Variants in C19orf44 observed in about 807,000 individuals in gnomAD.
C19orf44 encodes the protein uncharacterized protein C19orf44.
Under a neutral mutation model 50.7 loss-of-function variants are expected in C19orf44, and 43 were observed. That is an observed-to-expected ratio of 0.85 (90% confidence interval 0.66 to 1.09). C19orf44 has a LOEUF of 1.09. Among genes scored for constraint, C19orf44 ranks in the 50% least tolerant of loss-of-function variants. The pLI, the probability that C19orf44 is intolerant of heterozygous loss-of-function variation, is 0.00. For synonymous variants in C19orf44, 298 were observed against 334.7 expected (o/e 0.89, Z 1.20); for missense variants, 722 against 836.2 (o/e 0.86, Z 1.68).
intron 7 of C19orf44, 144 bp from the exon 8 acceptor site, chr19:16,517,084 TCA>T: frequency 2.8e-6 from 2 of 719,006 alleles, no homozygotes; most frequent in South Asian, 1.8e-5. Flanking sequence ...CGCCAACCTG[TCA>T]CACACATCCT....
rs1215869368 is a variant in C19orf44 at position 16,509,658 on chromosome 19, A to G, written c.1309A>G (p.Ser437Gly). The change falls in exon 5 of 9, where the codon AGT becomes GGT. Residue 437 changes from serine (S) to glycine (G), a missense_variant. Ser to Gly is a moderately conservative substitution (Grantham distance 56). Transcript: ENST00000221671. ...GDESEVSEHL[S>G]ASSASAIQQD... Reference sequence around the variant, plus strand: ...TGAGAGCGAGGTCTCGGAGCATCTCAGTGCCAGCTCGGCTTCTGCCATCCA... The same window carrying G: ...TGAGAGCGAGGTCTCGGAGCATCTCGGTGCCAGCTCGGCTTCTGCCATCCA... The G allele has an allele frequency of 6.2e-7, 1 of 1,614,270 alleles. No individual in the cohort carries two copies. Among genetic ancestry groups the G allele is most frequent in the Admixed American group, 1.7e-5 (1 of 60,020 alleles).
intron 4 of C19orf44, among the ~76,000 whole-genome samples, chr19:16,507,387 G>A (rs181372682): frequency 6.6e-6 from 1 of 151,978 alleles, no homozygotes; most frequent in Non-Finnish European, 1.5e-5. Context: ...GGTGGCCACC[G>A]GCACTGTCAG....
At chr19:16,511,564 A>G (rs1009637726) in intron 5 of C19orf44, among the ~76,000 whole-genome samples, 3 of 151,494 alleles carry the variant, frequency 2.0e-5, no homozygotes, top group African/African-American at 7.3e-5. Context: ...AAACATTCCC[A>G]TGTTATTATT....
chr19:16,502,986 C>CAA (rs61130725), intron 2 of C19orf44, 79 bp from the exon 3 acceptor site: 779 of 1,175,460 alleles, frequency 6.6e-4, no homozygotes, highest in Middle Eastern at 8.4e-4. Context: ...GACCCTTTCT[C>CAA]AAAAAAAAAA....
Position 16,519,786 on chromosome 19 carries a change from C to G in C19orf44, c.*41-308C>G. On this transcript the variant is annotated intron_variant, in intron 8 of 8. Coordinates refer to ENST00000221671, the MANE Select transcript of C19orf44 (RefSeq NM_032207.4). The surrounding 1 kb of genome is among the most constrained non-coding windows in gnomAD (Gnocchi z 6.0). ...TTATTGGAATGACAGTGATGAGGAC[C>G]TCACAGCCGCAGCTTGCGTGCATGC... The G allele has an allele frequency of 7.7e-7, 1 of 1,305,794 alleles. No individual in the cohort carries two copies. Among genetic ancestry groups the G allele is most frequent in the Non-Finnish European group, 1.1e-6 (1 of 900,130 alleles). The allele number at this position is 1,305,794 out of a possible 1,614,324, so 80.9% of individuals were successfully genotyped here.
chr19:16,504,479 G>A (rs560933793), intron 3 of C19orf44, among the ~76,000 whole-genome samples: 5 of 152,198 alleles, frequency 3.3e-5, no homozygotes, highest in Admixed American at 2.0e-4. Flanking sequence ...CCCCCAGCTG[G>A]CTGGCTGCCC....
intron 1 of C19orf44, 124 bp from the exon 2 acceptor site, chr19:16,500,668 G>T: frequency 1.0e-6 from 1 of 965,270 alleles, no homozygotes; most frequent in Non-Finnish European, 1.5e-6. Context: ...TCATCCTTGG[G>T]CTTGAAGGGA....
At chr19:16,514,718 A>G in intron 7 of C19orf44, 55 bp downstream of exon 7, 1 of 1,457,442 alleles carries the variant, frequency 6.9e-7, no homozygotes, top group East Asian at 2.6e-5. Context: ...GGCAGCTCCC[A>G]GAGGCCGGGC....
chr19:16,500,356 CTT>C (rs374785196), intron 1 of C19orf44, among the ~76,000 whole-genome samples: 39 of 138,406 alleles, frequency 2.8e-4, no homozygotes, highest in Admixed American at 5.8e-4. Context: ...TTTTCTTTTT[CTT>C]TTTTTTTTTT....
intron 6 of C19orf44, 100 bp from the exon 7 acceptor site, chr19:16,514,397 A>AAAG: frequency 7.8e-7 from 1 of 1,280,590 alleles, no homozygotes; most frequent in East Asian, 2.6e-5. Context: ...AAAAAAAAAA[A>AAAG]AAGATTTCAG....
intron 1 of C19orf44, among the ~76,000 whole-genome samples, chr19:16,497,667 G>A (rs10409401): frequency 0.84 from 127,946 of 152,094 alleles, 53,946 homozygotes; most frequent in South Asian, 0.89. Flanking sequence ...TTCCCTTAGC[G>A]TGATGTATTT....
At chr19:16,514,792 G>C in intron 7 of C19orf44, 129 bp downstream of exon 7, 1 of 1,101,160 alleles carries the variant, frequency 9.1e-7, no homozygotes, top group East Asian at 3.0e-5. Flanking sequence ...GATGCAGTGG[G>C]GCCATCACCT....
rs746046838 is a variant in C19orf44, at chr19:16,519,378, CACA to C, written c.*41-711_*41-709del. 14 of 1,602,012 alleles carry C rather than the reference CACA, an allele frequency of 8.7e-6. No homozygotes were observed. Among genetic ancestry groups the C allele is most frequent in the Admixed American group, 5.2e-5 (3 of 58,180 alleles). ...CTGGAAACAGAGACGCAGTCACAAC[CACA>C]ACAAGGCGGAGGCAGATGGGGGTGC... is the stretch of plus-strand genomic sequence containing the variant. On this transcript the variant is annotated intron_variant, in intron 8 of 8. Transcript: ENST00000221671. This position sits in a 1 kb window ranked among gnomAD's most constrained non-coding sequence, Gnocchi z 6.0.
At chr19:16,506,901 G>A in intron 4 of C19orf44, 127 bp downstream of exon 4, 1 of 642,518 alleles carries the variant, frequency 1.6e-6, no homozygotes, top group Non-Finnish European at 2.6e-6. Flanking sequence ...TCCTCAAACT[G>A]GGCTCAAGCA....
At chr19:16,517,895 C>T (rs2122231725) in intron 8 of C19orf44, 1 of 152,348 alleles carries the variant, frequency 6.6e-6, no homozygotes. Flanking sequence ...GGAGAAAGGT[C>T]TTTAAAAAAA....
chr19:16,518,741 A>C, intron 8 of C19orf44: 1 of 211,518 alleles, frequency 4.7e-6, no homozygotes, highest in Non-Finnish European at 9.4e-6. Flanking sequence ...AGCTGGAGGA[A>C]GGAGCTGGGG....
In C19orf44 at chr19:16,520,986, G is replaced by A; in HGVS notation, c.*933G>A. 7.7e-7 allele frequency: 1 copy of A among 1,290,884 alleles called. No individual in the cohort carries two copies. Among genetic ancestry groups the A allele is most frequent in the East Asian group, 2.3e-5 (1 of 43,424 alleles). The allele number at this position is 1,290,884 out of a possible 1,614,324, so 80.0% of individuals were successfully genotyped here. A position where few individuals can be genotyped will look rare whatever the true frequency, so the allele number is the denominator to read the frequency against. ...GGAAGTCGTGAAAAAGTCATCAGGA[G>A]TTAATCCACAGAACCTTGGAGAGTA... On this transcript the variant is annotated 3_prime_UTR_variant, in exon 9 of 9. Transcript: ENST00000221671. This position sits in a 1 kb window ranked among gnomAD's most constrained non-coding sequence, Gnocchi z 4.0.
At position 16,501,381 on chromosome 19, in the gene C19orf44, C is replaced by T. The variant is rs148952679; in HGVS notation, c.589C>T (p.Gln197Ter). The T allele has an allele frequency of 3.7e-6, 6 of 1,613,622 alleles. No homozygotes were observed. The highest frequency in any genetic ancestry group is 5.1e-6 in the Non-Finnish European group (6 of 1,179,948). The change falls in exon 2 of 9, where the codon CAA becomes TAA. Residue 197 changes from glutamine to a stop codon, truncating the protein, a stop_gained. Transcript: ENST00000221671. LOFTEE classifies it high-confidence loss of function. ...ACCTGCTGGGAAAGAGAGGACTTTG[C>T]AAACCCCCAAACAGAAAGAACCTGC... ...EAPAGKERTLQTPKQKEPART... is the reference protein window; with the variant it reads ...EAPAGKERTL
At position 16,517,264 on chromosome 19, in the gene C19orf44, T is replaced by C. The variant is rs371094073; in HGVS notation, c.1937T>C (p.Met646Thr). 2.0e-5 allele frequency: 33 copies of C among 1,613,970 alleles called. No homozygotes were observed. Among genetic ancestry groups the C allele is most frequent in the Admixed American group, 3.3e-5 (2 of 59,988 alleles). ...TGCCACAGACCTGCCCCACTGACCA[T>C]GGAGGATGCCCTGGAGGAGGTGAAC... ...IRCHRPAPLT[M>T]EDALEEVNKE... Residue 646 changes from methionine to threonine, a missense_variant, in exon 8 of 9, where the codon ATG becomes ACG. Met to Thr is a moderately conservative substitution (Grantham distance 81). Transcript: ENST00000221671.
Sources: gnomAD v4.1 joint callset for allele counts (sites outside exome capture counted in the v4.1 genomes callset) on GRCh38, gnomAD v4.1.1 for gene constraint, Gnocchi (gnomAD v3.1) non-coding constraint, MANE v1.5 for transcripts, NCBI Gene and HGNC (gene_info 2026-07-23, HGNC 2026-07-21) for gene names.